ZPBP: variants seen among roughly 807,000 people sequenced by gnomAD.
ZPBP encodes zona pellucida-binding protein 1.
Under a neutral mutation model 44.8 loss-of-function variants are expected in ZPBP, and 26 were observed. The ratio of observed to expected loss-of-function variants is 0.58; its 90% CI spans 0.43 to 0.81. The LOEUF is 0.81. Ranked by LOEUF, ZPBP falls within the 30% of genes least tolerant of loss-of-function variation. The pLI is 0.00. For missense variants in ZPBP, 409 were observed against 434.0 expected (o/e 0.94, Z 0.51); for synonymous variants, 174 against 153.2 (o/e 1.14, Z -1.00).
In ZPBP at chr7:49,991,056, T is replaced by A. The variant is rs147160279; in HGVS notation, c.784-7537A>T. On this transcript the variant is annotated intron_variant, in intron 6 of 7. Transcript: ENST00000046087. ...TATAAAATAGAGTTCTTTGAATATC[T>A]CTGATTAACACCCATATTTGGGAAT... Among the ~76,000 whole-genome samples the A allele has an allele frequency of 9.3e-4, 141 of 152,288 alleles. 1 individual carries two copies. Among genetic ancestry groups the A allele is most frequent in the African/African-American group, 3.3e-3 (139 of 41,566 alleles).
At chr7:49,929,288 GGA>G (rs758736339) in intron 1 of ZPBP, among the ~76,000 whole-genome samples, 4 of 152,204 alleles carry the variant, frequency 2.6e-5, no homozygotes, top group Non-Finnish European at 4.4e-5. Context: ...GCAGAAAGAA[GGA>G]GAGATGCACC....
intron 7 of ZPBP, among the ~76,000 whole-genome samples, chr7:49,951,114 C>G (rs910516319): frequency 6.6e-6 from 1 of 151,674 alleles, no homozygotes; most frequent in Admixed American, 6.6e-5. Flanking sequence ...GCATTGATGA[C>G]CACTTTGAAA....
At chr7:50,074,529 T>A (rs1487530695) in intron 3 of ZPBP, among the ~76,000 whole-genome samples, 1 of 151,840 alleles carries the variant, frequency 6.6e-6, no homozygotes, top group East Asian at 1.9e-4. Flanking sequence ...AGAAACACAC[T>A]TCACCTATAA....
At position 49,982,089 on chromosome 7, in the gene ZPBP, A is replaced by AATTATATAATTATATAATTATATGC. The variant is rs1797004721; in HGVS notation, c.961+1252_961+1253insGCATATAATTATATAATTATATAAT. 3.3e-4 allele frequency among the ~76,000 whole-genome samples: 8 copies of AATTATATAATTATATAATTATATGC among 24,306 alleles called. 3 individuals carry two copies. In the South Asian group the frequency reaches 7.7e-3, roughly 23 times the overall value. 15.9% of individuals were successfully genotyped at this position (24,306 alleles called of 152,430 possible). A position where few individuals can be genotyped will look rare whatever the true frequency, so the allele number is the denominator to read the frequency against. ...AATTATATAATTATATAATTATATG[A>AATTATATAATTATATAATTATATGC]ATTATATAATTATATAATTATAAAT... On this transcript the variant is annotated intron_variant, in intron 7 of 7. Coordinates refer to ENST00000046087, the MANE Select transcript of ZPBP (RefSeq NM_007009.3).
intron 4 of ZPBP, among the ~76,000 whole-genome samples, 188 bp downstream of exon 4, chr7:50,057,801 G>C (rs553158268): frequency 2.0e-5 from 3 of 152,044 alleles, no homozygotes; most frequent in Non-Finnish European, 4.4e-5. Flanking sequence ...AAAAGACTAC[G>C]ATCTGTTAAC....
intron 7 of ZPBP, among the ~76,000 whole-genome samples, chr7:49,947,741 G>C (rs1175675902): frequency 6.6e-6 from 1 of 152,174 alleles, no homozygotes; most frequent in East Asian, 1.9e-4. Context: ...GAAGACCCAA[G>C]GGCTCTACAA....
In ZPBP at chr7:49,877,481, A is replaced by AAAAAATATACATATATATATATATAT; in HGVS notation, n.509+23636_509+23637insATATATATATATATATGTATATTTTT. 9.0e-3 allele frequency among the ~76,000 whole-genome samples: 115 copies of AAAAAATATACATATATATATATATAT among 12,728 alleles called. 33 individuals are homozygous for AAAAAATATACATATATATATATATAT. Among genetic ancestry groups the AAAAAATATACATATATATATATATAT allele is most frequent in the Non-Finnish European group, 0.013 (89 of 6,950 alleles). 8.4% of individuals were successfully genotyped at this position (12,728 alleles called of 152,430 possible). A position where few individuals can be genotyped will look rare whatever the true frequency, so the allele number is the denominator to read the frequency against. Reference sequence around the variant, plus strand: ...CTGTCTCAAAAAAAAAAAAAAAAAAAATATATATATATATATATATATATA... The same window carrying AAAAAATATACATATATATATATATAT: ...CTGTCTCAAAAAAAAAAAAAAAAAAAAAAAATATACATATATATATATATATATATATATATATATATATATATATA... On this transcript the variant is annotated intron_variant and non_coding_transcript_variant, in intron 2 of 2. Coordinates refer to the ZPBP transcript ENST00000465922.
chr7:49,967,817 C>T (rs1254875200), intron 7 of ZPBP, among the ~76,000 whole-genome samples: 6 of 152,056 alleles, frequency 3.9e-5, no homozygotes, highest in African/African-American at 1.4e-4. Flanking sequence ...AAGGCATGAG[C>T]CACGGTGCCT....
At chr7:49,929,026 G>A (rs986164907) in intron 1 of ZPBP, among the ~76,000 whole-genome samples, 5 of 152,116 alleles carry the variant, frequency 3.3e-5, no homozygotes, top group Non-Finnish European at 5.9e-5. Flanking sequence ...TCCAAGCAGA[G>A]AGCACCTTTC....
rs1167286584 is a variant in ZPBP at position 50,093,183 on chromosome 7, G to T, written c.12C>A (p.Phe4Leu). The change falls in exon 1 of 8, where the codon TTC (phenylalanine) becomes TTA (leucine). Residue 4 changes from phenylalanine (F) to leucine (L), a missense_variant. Phe to Leu is a conservative substitution (Grantham distance 22, BLOSUM62 0). This residue lies in a region of ZPBP where 367 missense variants were observed against 363.1 expected (regional missense o/e 1.01). Coordinates refer to ENST00000046087, the MANE Select transcript of ZPBP (RefSeq NM_007009.3). MEA[F>L]ALGPARRGRR... ...TGCCCCGCCGCGCTGGGCCAAGGGC[G>T]AAGGCCTCCATCCACACGCCGCCGT... 2.6e-6 allele frequency: 4 copies of T among 1,531,516 alleles called. No homozygotes were observed. The highest frequency in any genetic ancestry group is 1.2e-5 in the South Asian group (1 of 82,164). 94.9% of individuals were successfully genotyped at this position (1,531,516 alleles called of 1,614,324 possible). A position where few individuals can be genotyped will look rare whatever the true frequency, so the allele number is the denominator to read the frequency against.
intron 7 of ZPBP, among the ~76,000 whole-genome samples, chr7:49,979,641 G>A (rs1390360257): frequency 6.6e-6 from 1 of 150,994 alleles, no homozygotes; most frequent in Non-Finnish European, 1.5e-5. Flanking sequence ...TCACTTGAAA[G>A]AGCTATGTTT....
At chr7:50,046,698 G>C (rs1263683148) in intron 4 of ZPBP, among the ~76,000 whole-genome samples, 1 of 152,164 alleles carries the variant, frequency 6.6e-6, no homozygotes, top group Non-Finnish European at 1.5e-5. Context: ...CTGTTGGTGG[G>C]AGTGTAAATT....
At chr7:49,958,429 G>A (rs1346004857) in intron 7 of ZPBP, among the ~76,000 whole-genome samples, 1 of 152,190 alleles carries the variant, frequency 6.6e-6, no homozygotes, top group Non-Finnish European at 1.5e-5. Flanking sequence ...GTGTTAGGAG[G>A]TGGGGCCTAA....
At chr7:49,860,098 T>G (rs1415969966) in intron 2 of ZPBP, among the ~76,000 whole-genome samples, 1 of 152,178 alleles carries the variant, frequency 6.6e-6, no homozygotes, top group Admixed American at 6.5e-5. Flanking sequence ...TTTTTAATTG[T>G]GGCAAAAAAA....
At chr7:49,993,864 G>GT (rs1554364933) in intron 6 of ZPBP, among the ~76,000 whole-genome samples, 3 of 151,650 alleles carry the variant, frequency 2.0e-5, no homozygotes, top group South Asian at 4.2e-4. Context: ...GGACATGACT[G>GT]GTAGCTGAGG....
At chr7:50,068,469 C>CTTCTAGTG (rs1373891995) in intron 3 of ZPBP, among the ~76,000 whole-genome samples, 2 of 151,372 alleles carry the variant, frequency 1.3e-5, no homozygotes, top group African/African-American at 4.9e-5. Flanking sequence ...GACATTTATC[C>CTTCTAGTG]TTCTAGTGTG....
chr7:50,047,491 G>C (rs1468291962), intron 4 of ZPBP, among the ~76,000 whole-genome samples: 1 of 151,996 alleles, frequency 6.6e-6, no homozygotes, highest in African/African-American at 2.4e-5. Flanking sequence ...ATGCCATAGG[G>C]TTGCTGGTCT....
intron 6 of ZPBP, among the ~76,000 whole-genome samples, chr7:50,012,046 A>T (rs946551186): frequency 6.6e-6 from 1 of 151,910 alleles, no homozygotes; most frequent in African/African-American, 2.4e-5. Context: ...AGAAAAAAAA[A>T]AAAAGAAGGA....
chr7:49,885,247 G>A (rs945157596), intron 2 of ZPBP, among the ~76,000 whole-genome samples: 16 of 152,058 alleles, frequency 1.1e-4, no homozygotes, highest in African/African-American at 3.6e-4. Flanking sequence ...TTTGAAAAGC[G>A]AGTAATATGT....
Sources: allele counts gnomAD v4.1 joint callset (sites outside exome capture counted in the v4.1 genomes callset), GRCh38; gene constraint gnomAD v4.1.1; regional missense constraint gnomAD v4.1.1; transcripts MANE v1.5; gene names NCBI Gene and HGNC (gene_info 2026-07-23, HGNC 2026-07-21).